Variants in ABLIM2 observed in about 807,000 individuals in gnomAD.
ABLIM2 encodes the protein actin-binding LIM protein 2.
ABLIM2 carries 53 observed loss-of-function variants against 97.7 expected under a neutral mutation model. That is an observed-to-expected ratio of 0.54 (90% CI 0.44 to 0.68). The LOEUF (loss-of-function observed/expected upper bound fraction) is 0.68. ABLIM2 is among the 30% of genes least tolerant of loss of function. ABLIM2 has a pLI of 0.00. For synonymous variants in ABLIM2, 361 were observed against 345.8 expected (o/e 1.04, Z -0.49); for missense variants, 835 against 867.2 (o/e 0.96, Z 0.47).
chr4:8,135,623 C>T (rs1207412203), intron 1 of ABLIM2, among the ~76,000 whole-genome samples: 4 of 152,246 alleles, frequency 2.6e-5, no homozygotes, highest in Non-Finnish European at 5.9e-5. Flanking sequence ...CTGGGACCTC[C>T]AGCCTCCAGG....
chr4:8,100,199 G>A (rs1002750021), intron 2 of ABLIM2, among the ~76,000 whole-genome samples: 1 of 152,116 alleles, frequency 6.6e-6, no homozygotes, highest in African/African-American at 2.4e-5. Context: ...CCCTCTCCTG[G>A]GATTGTCCCA....
chr4:8,047,752 C>T (rs1793487413), intron 8 of ABLIM2, among the ~76,000 whole-genome samples: 1 of 152,228 alleles, frequency 6.6e-6, no homozygotes, highest in African/African-American at 2.4e-5. Flanking sequence ...GGCAACAGCT[C>T]CCTGAACGGG....
At chr4:7,980,417 T>C (rs1434320802) in intron 20 of ABLIM2, among the ~76,000 whole-genome samples, 1 of 152,070 alleles carries the variant, frequency 6.6e-6, no homozygotes, top group African/African-American at 2.4e-5. Context: ...TTGGCATATT[T>C]TAAAATGGCT....
intron 1 of ABLIM2, among the ~76,000 whole-genome samples, chr4:8,117,537 T>G (rs1278220040): frequency 1.3e-5 from 2 of 150,084 alleles, no homozygotes; most frequent in Non-Finnish European, 3.0e-5. Context: ...CAGGCTCTAC[T>G]AAGACTCCAC....
rs1285896016 is a variant in ABLIM2 at position 8,067,825 on chromosome 4, G to A, written c.676-6771C>T. On this transcript the variant is annotated intron_variant, in intron 6 of 20. Transcript: ENST00000447017. The surrounding 1 kb of genome is among the most constrained non-coding windows in gnomAD (Gnocchi z 5.4). ...CCTGTGTCACGTGCTGGGGTTCAGT[G>A]TCCCCGTGTATAAGATGGAGAGGAC... The A allele has an allele frequency of 6.6e-6, 1 of 152,218 alleles. No homozygotes were observed. Among genetic ancestry groups the A allele is most frequent in the Non-Finnish European group, 1.5e-5 (1 of 68,044 alleles). 9.4% of individuals were successfully genotyped at this position (152,218 alleles called of 1,614,324 possible).
chr4:8,049,738 AT>A (rs1392614153), intron 8 of ABLIM2, among the ~76,000 whole-genome samples: 3 of 151,814 alleles, frequency 2.0e-5, no homozygotes, highest in African/African-American at 4.8e-5. Flanking sequence ...ATTTTATTTT[AT>A]TTTTTTTGAG....
In ABLIM2 at chr4:7,992,993, TG is replaced by T. The variant is rs1179258991; in HGVS notation, c.1619-67del. 7 of 1,549,568 alleles carry T rather than the reference TG, an allele frequency of 4.5e-6. No individual in the cohort carries two copies. The highest frequency in any genetic ancestry group is 4.4e-6 in the Non-Finnish European group (5 of 1,131,374). On this transcript the variant is annotated intron_variant, in intron 16 of 20. Transcript: ENST00000447017. The surrounding 1 kb of genome is among the most constrained non-coding windows in gnomAD (Gnocchi z 5.7). ...CGGTGCAGCAATGGGGGTGCAGCCC[TG>T]GGGGGGCTTCCCACCGGGGTGGGCA...
intron 2 of ABLIM2, among the ~76,000 whole-genome samples, chr4:8,102,376 C>G (rs879696169): frequency 1.3e-5 from 2 of 152,232 alleles, no homozygotes; most frequent in African/African-American, 2.4e-5. Flanking sequence ...GCAGGGCTCA[C>G]TTTCTAGCAC....
intron 7 of ABLIM2, among the ~76,000 whole-genome samples, chr4:8,055,119 T>G (rs7661897): frequency 6.6e-6 from 1 of 151,752 alleles, no homozygotes; most frequent in African/African-American, 2.4e-5. Context: ...GTGAATTTAA[T>G]AAAATCAAGC....
intron 1 of ABLIM2, among the ~76,000 whole-genome samples, chr4:8,146,475 T>C (rs1432940292): frequency 6.6e-6 from 1 of 152,236 alleles, no homozygotes; most frequent in Non-Finnish European, 1.5e-5. Flanking sequence ...TGCTCTTATG[T>C]TAGCGTGCAG....
chr4:7,978,998 A>AGCCTCACCTGCACACTCACTGGATTCG (rs1735901664), intron 20 of ABLIM2, among the ~76,000 whole-genome samples: 1 of 151,926 alleles, frequency 6.6e-6, no homozygotes, highest in East Asian at 1.9e-4. Context: ...CACTGGATTC[A>AGCCTCACCTGCACACTCACTGGATTCG]CAGCCTCACC....
Position 8,094,910 on chromosome 4 carries a change from C to T in ABLIM2, c.338+2189G>A, listed in dbSNP as rs73218403. Among the ~76,000 whole-genome samples, 552 of 150,592 alleles carry T rather than the reference C, an allele frequency of 3.7e-3. 2 individuals carry two copies. Among genetic ancestry groups the T allele is most frequent in the South Asian group, 6.4e-3 (30 of 4,692 alleles). On this transcript the variant is annotated intron_variant, in intron 3 of 20. Transcript: ENST00000447017. ...ACAACTAGTAATTCCTTCCCTCCCTCCCTCTCTTCCCTCCCTCCCTCCCTT... is the reference window on the plus strand; with the variant it reads ...ACAACTAGTAATTCCTTCCCTCCCTTCCTCTCTTCCCTCCCTCCCTCCCTT...
At position 8,045,259 on chromosome 4, in the gene ABLIM2, A is replaced by T; in HGVS notation, c.823-18T>A. ...CTGGTTTCCTGAGAAAGGAGAGAGG[A>T]AGAGATTGAAGGCAGGTACCAACAT... is the stretch of plus-strand genomic sequence containing the variant. On this transcript the variant is annotated intron_variant, in intron 8 of 20. Coordinates refer to ENST00000447017, the MANE Select transcript of ABLIM2 (RefSeq NM_001130083.2). 2 of 1,606,844 alleles carry T rather than the reference A, an allele frequency of 1.2e-6. No homozygotes were observed. Among genetic ancestry groups the T allele is most frequent in the Non-Finnish European group, 1.7e-6 (2 of 1,173,306 alleles).
In ABLIM2 at chr4:8,147,335, C is replaced by T. The variant is rs1404613588; in HGVS notation, c.10+11345G>A. Among the ~76,000 whole-genome samples the T allele has an allele frequency of 4.6e-5, 7 of 152,254 alleles. No individual in the cohort carries two copies. The highest frequency in any genetic ancestry group is 3.9e-4 in the East Asian group (2 of 5,180). On this transcript the variant is annotated intron_variant, in intron 1 of 20. Transcript: ENST00000447017. This position sits in a 1 kb window ranked among gnomAD's most constrained non-coding sequence, Gnocchi z 5.3. The stretch of plus-strand genomic sequence containing the variant: ...ACAGGGAGAAGAAAAGGTATTGACC[C>T]GGTAAACAGGATGCACCAAGAGACT...
At chr4:7,972,108 A>T (rs749002278) in intron 20 of ABLIM2, among the ~76,000 whole-genome samples, 167 of 152,304 alleles carry the variant, frequency 1.1e-3, no homozygotes, top group Non-Finnish European at 1.9e-3. Flanking sequence ...CATCACTGTC[A>T]TAATGACGGT....
rs1790535819 is a variant in ABLIM2, at chr4:8,044,078, G to A, written c.900+1086C>T. Among the ~76,000 whole-genome samples the A allele has an allele frequency of 6.6e-6, 1 of 152,220 alleles. No individual in the cohort carries two copies. The highest frequency in any genetic ancestry group is 1.5e-5 in the Non-Finnish European group (1 of 68,042). ...GCACTGTCAGGATTAAGGTCAGGAA[G>A]GACCCTGTGTCCAACCACTATGAGA... On this transcript the variant is annotated intron_variant, in intron 9 of 20. Transcript: ENST00000447017. This position sits in a 1 kb window ranked among gnomAD's most constrained non-coding sequence, Gnocchi z 4.4.
rs947709065 is a variant in ABLIM2 at position 8,023,373 on chromosome 4, G to A, written c.1268-3070C>T. On this transcript the variant is annotated intron_variant, in intron 12 of 20. Transcript: ENST00000447017. The surrounding 1 kb of genome is among the most constrained non-coding windows in gnomAD (Gnocchi z 5.7). ...TTTGCAGACGTTCCTTGTGTCTGAG[G>A]ACTCTGGCAGTTTTGAGGAGGGCTG... is the stretch of plus-strand genomic sequence containing the variant. 2.0e-5 allele frequency among the ~76,000 whole-genome samples: 3 copies of A among 152,248 alleles called. No homozygotes were observed. Among genetic ancestry groups the A allele is most frequent in the African/African-American group, 7.2e-5 (3 of 41,472 alleles).
At chr4:8,080,308 C>G (rs1026542937) in intron 5 of ABLIM2, among the ~76,000 whole-genome samples, 2 of 152,196 alleles carry the variant, frequency 1.3e-5, no homozygotes, top group African/African-American at 4.8e-5. Context: ...GCAGGACATC[C>G]AGGCGCCGGA....
At chr4:7,973,112 T>TGTGTGTGTGG (rs1729570150) in intron 20 of ABLIM2, among the ~76,000 whole-genome samples, 1 of 145,958 alleles carries the variant, frequency 6.9e-6, no homozygotes, top group Non-Finnish European at 1.5e-5. Context: ...TGTGTGTGTG[T>TGTGTGTGTGG]AGGGTGAGGG....
Sources: allele counts gnomAD v4.1 joint callset (sites outside exome capture counted in the v4.1 genomes callset), GRCh38; gene constraint gnomAD v4.1.1; non-coding constraint Gnocchi (gnomAD v3.1); transcripts MANE v1.5; gene names NCBI Gene and HGNC (gene_info 2026-07-23, HGNC 2026-07-21).